Variants in TMPRSS11A observed in about 807,000 individuals in gnomAD.
TMPRSS11A encodes transmembrane protease serine 11A.
A neutral mutation model predicts 58.9 loss-of-function variants in TMPRSS11A; 53 were observed. That is an observed-to-expected ratio of 0.90 (90% CI 0.72 to 1.13). The LOEUF (loss-of-function observed/expected upper bound fraction) is 1.13, where lower values mean the gene tolerates loss of function less well. TMPRSS11A is among the 50% of genes most tolerant of loss of function. The probability of loss-of-function intolerance (pLI) is 0.00; values close to 1 mark genes in which losing one functional copy is unlikely to be tolerated. For synonymous variants in TMPRSS11A, 167 were observed against 169.8 expected (o/e 0.98, Z 0.13); for missense variants, 493 against 499.3 (o/e 0.99, Z 0.12).
At chr4:67,958,084 A>T (rs1721331429) in intron 1 of TMPRSS11A, among the ~76,000 whole-genome samples, 1 of 152,202 alleles carries the variant, frequency 6.6e-6, no homozygotes, top group Non-Finnish European at 1.5e-5. Flanking sequence ...AAATGCCTAG[A>T]AGTCCAGGAA....
At chr4:67,950,324 C>T (rs1158969061) in intron 1 of TMPRSS11A, among the ~76,000 whole-genome samples, 4 of 152,210 alleles carry the variant, frequency 2.6e-5, no homozygotes, top group African/African-American at 9.6e-5. Flanking sequence ...TCTCTCAGCT[C>T]CCAGATGCCA....
In TMPRSS11A at chr4:67,944,424, G is replaced by A. The variant is rs557722465; in HGVS notation, c.252+95C>T. ...TCTGCAAGATGATTCTAATGTTGGC[G>A]GTCTGAAAATCATGTTTTTAGAAAT... On this transcript the variant is annotated intron_variant, in intron 3 of 9. Transcript: ENST00000508048. 1.1e-4 allele frequency: 147 copies of A among 1,378,638 alleles called. 1 individual carries two copies. The highest frequency in any genetic ancestry group is 5.8e-5 in the African/African-American group (4 of 68,416). The allele number at this position is 1,378,638 out of a possible 1,614,324, so 85.4% of individuals were successfully genotyped here.
At chr4:67,917,081 GCTTT>G (rs1720178569) in intron 8 of TMPRSS11A, among the ~76,000 whole-genome samples, 1 of 151,412 alleles carries the variant, frequency 6.6e-6, no homozygotes, top group African/African-American at 2.4e-5. Context: ...CAAATAATCA[GCTTT>G]TTATTTATCA....
At chr4:67,917,709 T>C (rs1344274730) in intron 8 of TMPRSS11A, among the ~76,000 whole-genome samples, 1 of 152,206 alleles carries the variant, frequency 6.6e-6, no homozygotes, top group Non-Finnish European at 1.5e-5. Flanking sequence ...CAGCGCATTA[T>C]GACAGGTATG....
intron 3 of TMPRSS11A, among the ~76,000 whole-genome samples, chr4:67,937,086 C>T (rs919764830): frequency 6.6e-6 from 1 of 152,162 alleles, no homozygotes; most frequent in Non-Finnish European, 1.5e-5. Context: ...TAACATCATG[C>T]TGTATTTGCT....
In TMPRSS11A at chr4:67,919,013, C is replaced by A; in HGVS notation, c.912G>T (p.Leu304Phe). ...PEASASFQPN[L>F]TVHITGFGAL... is the part of the protein sequence containing the mutation. ...CTCCAAATCCTGTGATGTGGACAGTCAAATTTGGTTGGAAGGATGCAGAGG... is the reference window on the plus strand; with the variant it reads ...CTCCAAATCCTGTGATGTGGACAGTAAAATTTGGTTGGAAGGATGCAGAGG... The change falls in exon 8 of 10, where the codon TTG becomes TTT. Residue 304 changes from leucine to phenylalanine, a missense_variant. Physicochemically the swap from Leu to Phe is conservative, Grantham distance 22. Transcript: ENST00000508048. The A allele has an allele frequency of 6.2e-7, 1 of 1,614,102 alleles. No homozygotes were observed. Among genetic ancestry groups the A allele is most frequent in the South Asian group, 1.1e-5 (1 of 91,058 alleles).
chr4:67,919,458 T>C (rs937200952), intron 7 of TMPRSS11A, among the ~76,000 whole-genome samples: 2 of 152,208 alleles, frequency 1.3e-5, no homozygotes, highest in Non-Finnish European at 1.5e-5. Flanking sequence ...TATTGAATTT[T>C]AGAACTGTAA....
At chr4:67,960,205 T>C (rs527342979) in intron 1 of TMPRSS11A, among the ~76,000 whole-genome samples, 70 of 152,302 alleles carry the variant, frequency 4.6e-4, no homozygotes, top group African/African-American at 1.7e-3. Flanking sequence ...AATCTACCTA[T>C]TGGGTGCTAT....
chr4:67,936,285 T>A (rs1720749678), intron 3 of TMPRSS11A, among the ~76,000 whole-genome samples: 1 of 151,980 alleles, frequency 6.6e-6, no homozygotes, highest in Non-Finnish European at 1.5e-5. Context: ...TTGGTAGTTT[T>A]TAGTGCAGTC....
At chr4:67,936,185 G>A (rs1326390073) in intron 3 of TMPRSS11A, among the ~76,000 whole-genome samples, 1 of 152,162 alleles carries the variant, frequency 6.6e-6, no homozygotes, top group Non-Finnish European at 1.5e-5. Flanking sequence ...CTGATGGGCA[G>A]CAAGCAGTTT....
chr4:67,940,409 T>A (rs900102619), intron 3 of TMPRSS11A, among the ~76,000 whole-genome samples: 7 of 152,156 alleles, frequency 4.6e-5, no homozygotes, highest in African/African-American at 1.7e-4. Context: ...ATTACTGATT[T>A]AAGTATGAAC....
chr4:67,939,367 T>G (rs559991462), intron 3 of TMPRSS11A, among the ~76,000 whole-genome samples: 1 of 152,310 alleles, frequency 6.6e-6, no homozygotes, highest in Non-Finnish European at 1.5e-5. Context: ...TAAAGAGAGA[T>G]AATTTGACTT....
At chr4:67,951,009 A>C (rs550966452) in intron 1 of TMPRSS11A, among the ~76,000 whole-genome samples, 1 of 152,344 alleles carries the variant, frequency 6.6e-6, no homozygotes, top group African/African-American at 2.4e-5. Context: ...ACCTGGCCAA[A>C]CAAGAGATGG....
At chr4:67,931,050 G>A (rs1560567420) in intron 4 of TMPRSS11A, among the ~76,000 whole-genome samples, 1 of 151,870 alleles carries the variant, frequency 6.6e-6, no homozygotes, top group Non-Finnish European at 1.5e-5. Context: ...TATAGTGATG[G>A]CTACCATCCA....
intron 3 of TMPRSS11A, among the ~76,000 whole-genome samples, chr4:67,934,119 T>G (rs1422037155): frequency 6.6e-6 from 1 of 152,166 alleles, no homozygotes; most frequent in Non-Finnish European, 1.5e-5. Flanking sequence ...GGATCCTTCT[T>G]TATAAAATTC....
chr4:67,944,078 A>G (rs1010739545), intron 3 of TMPRSS11A, among the ~76,000 whole-genome samples: 1 of 152,162 alleles, frequency 6.6e-6, no homozygotes, highest in African/African-American at 2.4e-5. Flanking sequence ...TGTCTTTATC[A>G]ATATACTTAC....
chr4:67,955,401 A>T (rs1339456969), intron 1 of TMPRSS11A, among the ~76,000 whole-genome samples: 2 of 152,210 alleles, frequency 1.3e-5, no homozygotes, highest in African/African-American at 4.8e-5. Context: ...ATGTTTTGGC[A>T]CTAGGTACAG....
intron 1 of TMPRSS11A, among the ~76,000 whole-genome samples, chr4:67,957,702 C>T (rs1311875419): frequency 3.9e-5 from 6 of 152,198 alleles, no homozygotes; most frequent in East Asian, 3.9e-4. Flanking sequence ...AAATTCAAGC[C>T]GGCTGCAGAA....
At chr4:67,961,432 ATTTCCTTTCTT>A (rs1263520805) in intron 1 of TMPRSS11A, among the ~76,000 whole-genome samples, 6 of 134,970 alleles carry the variant, frequency 4.4e-5, no homozygotes, top group Admixed American at 7.1e-5. Context: ...GTTTCCCACC[ATTTCCTTTCTT>A]TTTCCTTTCT....
Sources: allele counts gnomAD v4.1 joint callset (sites outside exome capture counted in the v4.1 genomes callset), GRCh38; gene constraint gnomAD v4.1.1; transcripts MANE v1.5; gene names NCBI Gene and HGNC (gene_info 2026-07-23, HGNC 2026-07-21).